Variants in SMG1 observed in about 807,000 individuals in gnomAD.
SMG1 encodes the protein serine/threonine-protein kinase SMG1.
A neutral mutation model predicts 419.9 loss-of-function variants in SMG1; 22 were observed. The ratio of observed to expected loss-of-function variants is 0.05; its 90% CI spans 0.04 to 0.07. The LOEUF (loss-of-function observed/expected upper bound fraction) is 0.07. SMG1 is among the 10% of genes least tolerant of loss of function. The pLI, the probability that SMG1 is intolerant of heterozygous loss-of-function variation, is 1.00. For synonymous variants in SMG1, 1,538 were observed against 1,553.5 expected (o/e 0.99, Z 0.23); for missense variants, 3,185 against 4,342.0 (o/e 0.73, Z 7.49).
At chr16:18,834,816 A>C in intron 49 of SMG1, 76 bp downstream of exon 49, 12 of 1,475,350 alleles carry the variant, frequency 8.1e-6, no homozygotes, top group Non-Finnish European at 1.1e-5. Flanking sequence ...AGACTAAGGA[A>C]AGTAAAAGAA....
chr16:18,870,555 C>A, intron 18 of SMG1, 55 bp downstream of exon 18: 2 of 1,042,942 alleles, frequency 1.9e-6, no homozygotes, highest in Non-Finnish European at 2.9e-6. Context: ...AAGTAGACAA[C>A]CAGTAGAGGC....
intron 1 of SMG1, among the ~76,000 whole-genome samples, chr16:18,914,867 G>A (rs140745623): frequency 2.0e-5 from 3 of 151,768 alleles, no homozygotes; most frequent in Admixed American, 6.6e-5. Context: ...ATAAGTCAAT[G>A]TGTAAAAAGA....
At position 18,859,718 on chromosome 16, in the gene SMG1, T is replaced by C; in HGVS notation, c.3806-15A>G. The C allele has an allele frequency of 2.5e-6, 4 of 1,582,134 alleles. No homozygotes were observed. Among genetic ancestry groups the C allele is most frequent in the Non-Finnish European group, 2.6e-6 (3 of 1,165,150 alleles). On this transcript the variant is annotated splice_polypyrimidine_tract_variant and intron_variant, in intron 26 of 62. Transcript: ENST00000446231. Reference sequence around the variant, plus strand: ...TTTTTTCATGTCTACCAAAGTTAAATAAAACGTCATTAAGTTCATGTGCTT... The same window carrying C: ...TTTTTTCATGTCTACCAAAGTTAAACAAAACGTCATTAAGTTCATGTGCTT...
Position 18,869,084 on chromosome 16 carries a change from A to T in SMG1, c.2833+20T>A. 1 of 1,593,618 alleles carries T rather than the reference A, an allele frequency of 6.3e-7. No homozygotes were observed. Among genetic ancestry groups the T allele is most frequent in the Non-Finnish European group, 8.6e-7 (1 of 1,163,080 alleles). ...ATAAGGCTTTGAAAGTATTCACATCACAAAGCTTGAGTGAGTTACCTTCAA... is the reference window on the plus strand; with the variant it reads ...ATAAGGCTTTGAAAGTATTCACATCTCAAAGCTTGAGTGAGTTACCTTCAA... On this transcript the variant is annotated intron_variant, in intron 20 of 62. Transcript: ENST00000446231.
Position 18,838,071 on chromosome 16 carries a change from T to C in SMG1, c.7356A>G (p.Arg2452=). ...TGCGGGTGATCTCTCGCTCCATCTC[T>C]CTCTTGCTCTGCTTGCTCTCGGCCT... ...GQQAESKQSK[R]EMEREITRSL... is the part of the protein sequence containing the mutation. Residue 2452 remains arginine, a synonymous_variant, in exon 45 of 63, where the codon AGA becomes AGG. Coordinates refer to ENST00000446231, the MANE Select transcript of SMG1 (RefSeq NM_015092.5). 6.2e-7 allele frequency: 1 copy of C among 1,613,980 alleles called. No individual in the cohort carries two copies. The highest frequency in any genetic ancestry group is 1.1e-5 in the South Asian group (1 of 91,084).
intron 62 of SMG1, among the ~76,000 whole-genome samples, 191 bp downstream of exon 62, chr16:18,811,570 T>C (rs2031400551): frequency 1.3e-5 from 2 of 152,172 alleles, no homozygotes; most frequent in South Asian, 2.1e-4. Flanking sequence ...AAAGTGCTCA[T>C]AGGGAAGGGT....
At chr16:18,892,709 G>A (rs1409478130) in intron 3 of SMG1, among the ~76,000 whole-genome samples, 1 of 152,092 alleles carries the variant, frequency 6.6e-6, no homozygotes, top group East Asian at 1.9e-4. Flanking sequence ...CTCCAGCCTG[G>A]GTGACAGAGC....
At chr16:18,883,958 A>G in intron 9 of SMG1, 112 bp downstream of exon 9, 1 of 458,594 alleles carries the variant, frequency 2.2e-6, no homozygotes, top group Non-Finnish European at 4.0e-6. Context: ...TGCAATGGGC[A>G]TGTAATTTCT....
intron 13 of SMG1, among the ~76,000 whole-genome samples, chr16:18,872,884 T>C (rs145221427): frequency 6.6e-6 from 1 of 152,290 alleles, no homozygotes; most frequent in African/African-American, 2.4e-5. Context: ...TCAGGTGTTG[T>C]GGCTCACACC....
chr16:18,805,274 G>GA lies in SMG1; in HGVS notation c.*4294dup, dbSNP rs1338291064. The GA allele has an allele frequency of 6.6e-6, 1 of 152,092 alleles. No homozygotes were observed. Among genetic ancestry groups the GA allele is most frequent in the African/African-American group, 2.4e-5 (1 of 41,418 alleles). 9.4% of individuals were successfully genotyped at this position (152,092 alleles called of 1,614,324 possible). A position where few individuals can be genotyped will look rare whatever the true frequency, so the allele number is the denominator to read the frequency against. On this transcript the variant is annotated 3_prime_UTR_variant, in exon 63 of 63. Coordinates refer to ENST00000446231, the MANE Select transcript of SMG1 (RefSeq NM_015092.5). ...AGGAGCTGAAACTTTGTCAAAAAAA[G>GA]AAAAAACTATTAGCCTGTTTTCAAA...
At chr16:18,909,695 C>G (rs1291026427) in intron 1 of SMG1, among the ~76,000 whole-genome samples, 1 of 152,214 alleles carries the variant, frequency 6.6e-6, no homozygotes, top group Non-Finnish European at 1.5e-5. Flanking sequence ...TCAAGATAAT[C>G]ACACTATTAA....
intron 62 of SMG1, among the ~76,000 whole-genome samples, chr16:18,810,620 T>C (rs1270338400): frequency 6.6e-6 from 1 of 152,250 alleles, no homozygotes; most frequent in African/African-American, 2.4e-5. Flanking sequence ...AAATGCATGA[T>C]GATCCTTGAC....
chr16:18,907,845 CAAAAAAAAAAAAAAA>C (rs71141092), intron 1 of SMG1, among the ~76,000 whole-genome samples: 4 of 54,972 alleles, frequency 7.3e-5, no homozygotes, highest in East Asian at 7.1e-4. Flanking sequence ...GAACGAGACT[CAAAAAAAAAAAAAAA>C]AAAAAAAAAG....
intron 12 of SMG1, 125 bp from the exon 13 acceptor site, chr16:18,876,518 T>C (rs2036140502): frequency 8.1e-7 from 1 of 1,235,558 alleles, no homozygotes; most frequent in Non-Finnish European, 1.1e-6. Context: ...ATCAATTCAC[T>C]GTCCGTAGCA....
At chr16:18,836,288 G>A (rs1352133678) in intron 47 of SMG1, 72 bp downstream of exon 47, 3 of 1,590,184 alleles carry the variant, frequency 1.9e-6, no homozygotes, top group African/African-American at 2.7e-5. Context: ...CACAAACCAG[G>A]ACCCCACACA....
intron 41 of SMG1, among the ~76,000 whole-genome samples, chr16:18,840,442 T>C (rs1027870060): frequency 6.6e-6 from 1 of 152,194 alleles, no homozygotes; most frequent in African/African-American, 2.4e-5. Context: ...GGTTTAAAAC[T>C]TGCCTCCTTT....
rs568896033 is a variant in SMG1, at chr16:18,836,242, T to C, written c.7778-30A>G. On this transcript the variant is annotated intron_variant, in intron 47 of 62. Transcript: ENST00000446231. ...TGGTAAAAGACATTATTAAACACAGTAAAACAGGGTCAAGTCAGCTGTCAC... is the reference window on the plus strand; with the variant it reads ...TGGTAAAAGACATTATTAAACACAGCAAAACAGGGTCAAGTCAGCTGTCAC... 1.6e-3 allele frequency: 2,541 copies of C among 1,603,004 alleles called. 64 individuals are homozygous for C. In the South Asian group the frequency reaches 0.027, roughly 17 times the overall value.
intron 7 of SMG1, 128 bp from the exon 8 acceptor site, chr16:18,885,290 C>T (rs1375470622): frequency 1.6e-6 from 1 of 641,814 alleles, no homozygotes; most frequent in Admixed American, 2.9e-5. Context: ...ATTCTAGAAA[C>T]TTAGAAAGGG....
chr16:18,911,043 T>C (rs1300998918), intron 1 of SMG1, among the ~76,000 whole-genome samples: 1 of 152,206 alleles, frequency 6.6e-6, no homozygotes. Flanking sequence ...TCTATGCAAA[T>C]AGTCACAAAG....
Sources: allele counts gnomAD v4.1 joint callset (sites outside exome capture counted in the v4.1 genomes callset), GRCh38; gene constraint gnomAD v4.1.1; transcripts MANE v1.5; gene names NCBI Gene and HGNC (gene_info 2026-07-23, HGNC 2026-07-21).